The following SPON2 variants were observed in gnomAD, a reference collection of about 807,000 sequenced individuals.
The protein encoded by SPON2 is spondin 2.
In SPON2, 32 loss-of-function variants were observed where a neutral mutation model predicts 29.9. The observed-to-expected ratio is 1.07, with a 90% CI of 0.81 to 1.44. The LOEUF (loss-of-function observed/expected upper bound fraction) is 1.44, where lower values mean the gene tolerates loss of function less well. SPON2 is among the 40% of genes most tolerant of loss of function. The pLI, the probability that SPON2 is intolerant of heterozygous loss-of-function variation, is 0.00. For synonymous variants in SPON2, 248 were observed against 209.1 expected, an observed-to-expected ratio of 1.19 and a Z score of -1.61; for missense variants, 541 against 455.5, an observed-to-expected ratio of 1.19 and a Z score of -1.71.
chr4:1,198,492 A>T (rs1354132162), upstream of SPON2, among the ~76,000 whole-genome samples: 1 of 152,250 alleles, frequency 6.6e-6, no homozygotes, highest in Non-Finnish European at 1.5e-5. Context: ...TGGAACAAAA[A>T]GAGAAAACCA....
intron 1 of SPON2, among the ~76,000 whole-genome samples, chr4:1,194,505 G>A (rs1287047055): frequency 1.3e-5 from 2 of 152,164 alleles, no homozygotes; most frequent in Admixed American, 6.5e-5. Flanking sequence ...AGCGCAGGCC[G>A]CAGGCAGGGC....
In SPON2 at chr4:1,170,489, C is replaced by G. The variant is rs2279279; in HGVS notation, c.724G>C (p.Val242Leu). Residue 242 changes from valine to leucine, a missense_variant, in exon 5 of 6, where the codon GTG becomes CTG. Coordinates refer to ENST00000290902, the MANE Select transcript of SPON2 (RefSeq NM_012445.4). ...GCCCTGGGGCTCTGTCGCAGCCGCACCAGTGTCACCCTGGCGATGGGAGGC... is the reference window on the plus strand; with the variant it reads ...GCCCTGGGGCTCTGTCGCAGCCGCAGCAGTGTCACCCTGGCGATGGGAGGC... ...ALPPIARVTL[V>L]RLRQSPRAFI... 1,059,042 of 1,613,796 alleles carry G rather than the reference C, an allele frequency of 0.66. 354,781 individuals are homozygous for G. Among genetic ancestry groups the G allele is most frequent in the Admixed American group, 0.74 (44,205 of 59,980 alleles).
At chr4:1,172,868 C>T (rs1727504320), upstream of SPON2, 3 of 116,096 alleles carry the variant, frequency 2.6e-5, no homozygotes, top group African/African-American at 1.0e-4. Context: ...CCCTCCCCTC[C>T]CTGTCCCCTC....
chr4:1,193,114 A>G (rs1008502132), intron 1 of SPON2, among the ~76,000 whole-genome samples: 1 of 152,186 alleles, frequency 6.6e-6, no homozygotes, highest in African/African-American at 2.4e-5. Context: ...TGCCAGATAC[A>G]CGCCTCACAC....
chr4:1,167,396 C>T lies in SPON2; in HGVS notation c.*76G>A. On this transcript the variant is annotated 3_prime_UTR_variant, in exon 6 of 6. Transcript: ENST00000290902. ...CGAAACCCCCTGTGCCCTCGGCCGCCTGCAGCATGAGCCTGCACAGGAGCC... is the reference window on the plus strand; with the variant it reads ...CGAAACCCCCTGTGCCCTCGGCCGCTTGCAGCATGAGCCTGCACAGGAGCC... The T allele has an allele frequency of 2.7e-6, 4 of 1,460,020 alleles. No homozygotes were observed. The highest frequency in any genetic ancestry group is 2.6e-5 in the South Asian group (2 of 75,496). 90.4% of individuals were successfully genotyped at this position (1,460,020 alleles called of 1,614,324 possible). A position where few individuals can be genotyped will look rare whatever the true frequency, so the allele number is the denominator to read the frequency against.
At chr4:1,205,956 T>C (rs1577002646) in intron 1 of SPON2, among the ~76,000 whole-genome samples, 1 of 152,078 alleles carries the variant, frequency 6.6e-6, no homozygotes, top group East Asian at 1.9e-4. Flanking sequence ...CTAGCTCCCC[T>C]GGCTGCCTCC....
chr4:1,205,590 CCCTG>C (rs1728321265), intron 1 of SPON2, among the ~76,000 whole-genome samples: 1 of 43,350 alleles, frequency 2.3e-5, no homozygotes, highest in Non-Finnish European at 7.6e-5. Flanking sequence ...GCCTGGCCTT[CCCTG>C]CCAGCCCAAG....
chr4:1,204,569 G>A (rs539410890), intron 1 of SPON2, among the ~76,000 whole-genome samples: 2 of 152,338 alleles, frequency 1.3e-5, no homozygotes, highest in Non-Finnish European at 2.9e-5. Context: ...AGCCTCCGGT[G>A]TGTGTTAAAA....
At chr4:1,192,796 C>T (rs949932666) in intron 1 of SPON2, among the ~76,000 whole-genome samples, 13 of 152,206 alleles carry the variant, frequency 8.5e-5, no homozygotes, top group African/African-American at 3.1e-4. Flanking sequence ...GAGATGCCAC[C>T]GGCCAAGGAG....
rs1727475550 is a variant in SPON2 at position 1,172,021 on chromosome 4, G to A, written c.51C>T (p.Leu17=). The part of the protein sequence containing the change: ...AAALGKALCA[L]LLATLGAAGQ... ...CGGCGGCGCCGAGAGTGGCCAGGAG[G>A]AGAGCGCAGAGGGCCTTGCCCAGGG... Residue 17 remains leucine, a synonymous_variant, in exon 2 of 6, where the codon CTC becomes CTT. Transcript: ENST00000290902. 1.2e-6 allele frequency: 2 copies of A among 1,612,656 alleles called. No individual in the cohort carries two copies. The highest frequency in any genetic ancestry group is 2.2e-5 in the East Asian group (1 of 44,880).
At chr4:1,206,582 A>G (rs1054973400) in intron 1 of SPON2, among the ~76,000 whole-genome samples, 1 of 152,130 alleles carries the variant, frequency 6.6e-6, no homozygotes, top group African/African-American at 2.4e-5. Flanking sequence ...CAGCAAAAGC[A>G]GCAGCTCCTC....
chr4:1,186,035 G>C (rs1473579950), intron 1 of SPON2, among the ~76,000 whole-genome samples: 1 of 150,760 alleles, frequency 6.6e-6, no homozygotes, highest in Non-Finnish European at 1.5e-5. Context: ...ACGAGGTCAG[G>C]AGATCGAGAC....
chr4:1,170,728 CG>C (rs1560201002), intron 4 of SPON2, 152 bp from the exon 5 acceptor site: 1 of 1,080,870 alleles, frequency 9.3e-7, no homozygotes, highest in Middle Eastern at 2.0e-4. Context: ...AGCCATCCCA[CG>C]GAACACGGGC....
At chr4:1,170,307 T>C in intron 5 of SPON2, 95 bp downstream of exon 5, 2 of 1,258,074 alleles carry the variant, frequency 1.6e-6, no homozygotes, top group Non-Finnish European at 2.3e-6. Context: ...AATCCCTACT[T>C]GGAATTTCTC....
upstream of SPON2, among the ~76,000 whole-genome samples, chr4:1,198,858 A>T (rs1333665355): frequency 6.6e-6 from 1 of 152,202 alleles, no homozygotes; most frequent in East Asian, 1.9e-4. Context: ...GTAAAATAGA[A>T]AAAAGTGCAA....
chr4:1,194,898 G>T (rs1728011466), intron 1 of SPON2: 1 of 132,120 alleles, frequency 7.6e-6, no homozygotes, highest in African/African-American at 2.8e-5. Flanking sequence ...CACAGCCGGC[G>T]ACTCCAACCC....
At chr4:1,205,195 G>C (rs1728309400) in intron 1 of SPON2, 1 of 152,424 alleles carries the variant, frequency 6.6e-6, no homozygotes, top group African/African-American at 2.4e-5. Context: ...CTTTGCACAG[G>C]GCAGGGCCCT....
At chr4:1,177,604 C>T (rs1257945385), upstream of SPON2, among the ~76,000 whole-genome samples, 8 of 152,134 alleles carry the variant, frequency 5.3e-5, no homozygotes, top group Non-Finnish European at 8.8e-5. Context: ...TGTGGCCCTG[C>T]CCCGGGCCCC....
chr4:1,174,877 C>T (rs925382217), upstream of SPON2, among the ~76,000 whole-genome samples: 10 of 152,202 alleles, frequency 6.6e-5, no homozygotes, highest in African/African-American at 7.2e-5. Flanking sequence ...GCCTTGGCTG[C>T]GTATGTTACC....
Sources: allele counts gnomAD v4.1 joint callset (sites outside exome capture counted in the v4.1 genomes callset), GRCh38; gene constraint gnomAD v4.1.1; transcripts MANE v1.5; gene names NCBI Gene and HGNC (gene_info 2026-07-23, HGNC 2026-07-21).